Variants in RABGAP1L observed in about 807,000 individuals in gnomAD.
RABGAP1L encodes rab GTPase-activating protein 1-like.
Under a neutral mutation model 137.7 loss-of-function variants are expected in RABGAP1L, and 63 were observed. The observed-to-expected ratio is 0.46, with a 90% CI of 0.37 to 0.56. The LOEUF (loss-of-function observed/expected upper bound fraction) is 0.56. Ranked by LOEUF, RABGAP1L falls within the 20% of genes least tolerant of loss-of-function variation. The pLI, the probability that RABGAP1L is intolerant of heterozygous loss-of-function variation, is 0.00. For synonymous variants in RABGAP1L, 431 were observed against 433.7 expected (o/e 0.99, Z 0.08); for missense variants, 1,095 against 1,244.0 (o/e 0.88, Z 1.80).
intron 17 of RABGAP1L, among the ~76,000 whole-genome samples, chr1:174,718,532 G>A (rs558406928): frequency 6.6e-5 from 10 of 152,296 alleles, no homozygotes; most frequent in East Asian, 1.9e-4. Context: ...GTCCTGGCTC[G>A]TCTGATGTCT....
At chr1:174,598,499 G>A (rs955014844) in intron 13 of RABGAP1L, among the ~76,000 whole-genome samples, 2 of 152,060 alleles carry the variant, frequency 1.3e-5, no homozygotes, top group African/African-American at 4.8e-5. Flanking sequence ...TGCTGAAAGT[G>A]GTATGTTGAA....
intron 13 of RABGAP1L, among the ~76,000 whole-genome samples, chr1:174,521,009 G>A (rs1663323446): frequency 6.6e-6 from 1 of 152,120 alleles, no homozygotes; most frequent in Admixed American, 6.6e-5. Context: ...CAAAAAAACA[G>A]TGTTTTAGTT....
chr1:174,769,124 T>C (rs977394802), intron 18 of RABGAP1L, among the ~76,000 whole-genome samples: 2 of 152,192 alleles, frequency 1.3e-5, no homozygotes, highest in African/African-American at 4.8e-5. Flanking sequence ...TTAATTGATA[T>C]GAAGACAGCC....
intron 1 of RABGAP1L, among the ~76,000 whole-genome samples, chr1:174,169,499 C>T (rs1665170676): frequency 6.6e-6 from 1 of 152,022 alleles, no homozygotes; most frequent in African/African-American, 2.4e-5. Context: ...GGATTACAGG[C>T]GTGAGTGACT....
chr1:174,781,639 C>A (rs1687016249), intron 18 of RABGAP1L, among the ~76,000 whole-genome samples: 1 of 152,148 alleles, frequency 6.6e-6, no homozygotes, highest in African/African-American at 2.4e-5. Flanking sequence ...GAAGTCCTTG[C>A]CCATGCTTAT....
At chr1:174,976,337 C>G (rs976773347) in intron 22 of RABGAP1L, among the ~76,000 whole-genome samples, 155 bp downstream of exon 22, 2 of 151,928 alleles carry the variant, frequency 1.3e-5, no homozygotes, top group African/African-American at 4.8e-5. Flanking sequence ...CATTTTTGTT[C>G]AACATTTCTG....
chr1:174,422,187 T>G (rs1274776875), intron 13 of RABGAP1L, among the ~76,000 whole-genome samples: 2 of 152,200 alleles, frequency 1.3e-5, no homozygotes, highest in African/African-American at 4.8e-5. Context: ...ACTATTGCTA[T>G]CTTGATACGC....
At chr1:174,237,410 G>T (rs764032898) in intron 4 of RABGAP1L, among the ~76,000 whole-genome samples, 1 of 70,896 alleles carries the variant, frequency 1.4e-5, no homozygotes, top group Admixed American at 1.7e-4. Flanking sequence ...GGCTGGTACC[G>T]GTTGTTCCTT....
intron 14 of RABGAP1L, among the ~76,000 whole-genome samples, chr1:174,652,164 C>T (rs1406440031): frequency 6.6e-6 from 1 of 152,156 alleles, no homozygotes; most frequent in Non-Finnish European, 1.5e-5. Flanking sequence ...AATATCGGCC[C>T]CCACTCTCTT....
intron 11 of RABGAP1L, among the ~76,000 whole-genome samples, chr1:174,362,151 T>C (rs1366737147): frequency 6.6e-6 from 1 of 152,234 alleles, no homozygotes; most frequent in African/African-American, 2.4e-5. Context: ...CCATTGTGTG[T>C]ATGTGCCACA....
intron 4 of RABGAP1L, among the ~76,000 whole-genome samples, chr1:174,232,599 C>A (rs1009911365): frequency 6.6e-5 from 10 of 151,500 alleles, no homozygotes; most frequent in Non-Finnish European, 1.3e-4. Flanking sequence ...CTGGCTAACA[C>A]GGTGAAACCC....
chr1:174,221,194 A>G, intron 3 of RABGAP1L, 30 bp downstream of exon 3: 1 of 1,428,256 alleles, frequency 7.0e-7, no homozygotes, highest in African/African-American at 1.5e-5. Flanking sequence ...GAAACTATTA[A>G]AGAAATGGGA....
chr1:174,461,746 A>G (rs1656714931), intron 13 of RABGAP1L, among the ~76,000 whole-genome samples: 1 of 152,162 alleles, frequency 6.6e-6, no homozygotes, highest in African/African-American at 2.4e-5. Context: ...GAAGCTGTGG[A>G]AAAGAATATT....
intron 18 of RABGAP1L, among the ~76,000 whole-genome samples, chr1:174,795,737 GTTATTA>G (rs1290650905): frequency 3.3e-5 from 5 of 152,032 alleles, no homozygotes; most frequent in African/African-American, 4.8e-5. Flanking sequence ...AATTATTGTT[GTTATTA>G]TTATAATTAT....
At chr1:174,365,798 G>A (rs1170908058) in intron 11 of RABGAP1L, among the ~76,000 whole-genome samples, 2 of 152,132 alleles carry the variant, frequency 1.3e-5, no homozygotes, top group African/African-American at 2.4e-5. Flanking sequence ...AAAACCATGC[G>A]CTGTGATTGC....
chr1:174,584,316 A>G (rs1668957357), intron 13 of RABGAP1L, among the ~76,000 whole-genome samples: 1 of 152,200 alleles, frequency 6.6e-6, no homozygotes, highest in African/African-American at 2.4e-5. Context: ...GCCAAAGTCT[A>G]TAAAGAATGT....
intron 13 of RABGAP1L, among the ~76,000 whole-genome samples, chr1:174,486,408 G>A (rs953852000): frequency 7.5e-5 from 11 of 147,324 alleles, no homozygotes; most frequent in South Asian, 2.2e-4. Context: ...GTGCAGTGGC[G>A]TGATCTCGGC....
At position 174,176,727 on chromosome 1, in the gene RABGAP1L, A is replaced by AT. The variant is rs1558005417; in HGVS notation, c.-34+17070_-34+17071insT. ...ACCCTTTTTCAGAAAAAAAAAAAAA[A>AT]AAAAAAAAAAAAAAAAAAAGGTCAA... On this transcript the variant is annotated intron_variant, in intron 1 of 25. Coordinates refer to ENST00000681986, the MANE Select transcript of RABGAP1L (RefSeq NM_001366446.1). Among the ~76,000 whole-genome samples the AT allele has an allele frequency of 1.7e-3, 237 of 137,586 alleles. 7 individuals are homozygous for AT. Among genetic ancestry groups the AT allele is most frequent in the African/African-American group, 5.8e-3 (214 of 37,140 alleles). 90.3% of individuals were successfully genotyped at this position (137,586 alleles called of 152,430 possible).
chr1:174,398,117 C>T (rs556493828), intron 13 of RABGAP1L, among the ~76,000 whole-genome samples: 1 of 152,270 alleles, frequency 6.6e-6, no homozygotes. Context: ...CTCAAGGGCT[C>T]ATTACCTGCC....
Sources: allele counts gnomAD v4.1 joint callset (sites outside exome capture counted in the v4.1 genomes callset), GRCh38; gene constraint gnomAD v4.1.1; transcripts MANE v1.5; gene names NCBI Gene and HGNC (gene_info 2026-07-23, HGNC 2026-07-21).